ZNF648: variants seen among roughly 807,000 people sequenced by gnomAD.
ZNF648 encodes zinc finger protein 648.
A neutral mutation model predicts 0.3 loss-of-function variants in ZNF648; 1 was observed. That is an observed-to-expected ratio of 3.90 (90% CI 1.39 to 18.51). The LOEUF is 18.51. ZNF648 is among the 30% of genes most tolerant of loss of function. The probability of loss-of-function intolerance (pLI) is 0.11; values close to 1 mark genes in which losing one functional copy is unlikely to be tolerated. For synonymous variants in ZNF648, 376 were observed against 326.8 expected (o/e 1.15, Z -1.62); for missense variants, 874 against 769.7 (o/e 1.14, Z -1.60).
rs758323060 is a variant in ZNF648, at chr1:182,056,430, G to A, written c.1581C>T (p.Asn527=). Residue 527 remains asparagine, a synonymous_variant, in exon 2 of 2, where the codon AAC becomes AAT. Coordinates refer to ENST00000339948, the MANE Select transcript of ZNF648 (RefSeq NM_001009992.1). ...SELAQHIRMH[N]GERPYQCEDC... ...CCTCACACTGGTAGGGCCTCTCTCC[G>A]TTGTGCATTCGTATGTGCTGGGCCA... 9 of 1,613,948 alleles carry A rather than the reference G, an allele frequency of 5.6e-6. No homozygotes were observed. Among genetic ancestry groups the A allele is most frequent in the African/African-American group, 1.3e-5 (1 of 74,932 alleles).
Position 182,056,909 on chromosome 1 carries a change from C to T in ZNF648, c.1102G>A (p.Glu368Lys). Residue 368 changes from glutamate (E) to lysine (K), a missense_variant, in exon 2 of 2, where the codon GAG becomes AAG. Transcript: ENST00000339948. ...GGCTTGTTGAAGGTCAGGCCGCACT[C>T]GGAGCACGGGAAGGGCTTATTGTTG... ...HSNNKPFPCS[E>K]CGLTFNKPLS... 1 of 1,598,304 alleles carries T rather than the reference C, an allele frequency of 6.3e-7. No homozygotes were observed. Among genetic ancestry groups the T allele is most frequent in the East Asian group, 2.3e-5 (1 of 44,218 alleles).
At chr1:182,062,546 T>C (rs963562503), upstream of ZNF648, 3 of 152,210 alleles carry the variant, frequency 2.0e-5, no homozygotes, top group African/African-American at 7.2e-5. Flanking sequence ...TGTGCCTTAG[T>C]GTCTCATCTG....
At position 182,057,484 on chromosome 1, in the gene ZNF648, G is replaced by T. The variant is rs983277263; in HGVS notation, c.527C>A (p.Ala176Glu). ...SFPSNGKYLC[A>E]HKSVDTSAGN... Reference sequence around the variant, plus strand: ...TGCGGACGTGTCTACACTTTTGTGCGCACAGAGATACTTTCCATTGCTGGG... The same window carrying T: ...TGCGGACGTGTCTACACTTTTGTGCTCACAGAGATACTTTCCATTGCTGGG... The change falls in exon 2 of 2, where the codon GCG (alanine) becomes GAG (glutamate). Residue 176 changes from alanine to glutamate, a missense_variant. By Grantham distance (107) the Ala-to-Glu change is moderately radical. Transcript: ENST00000339948. The T allele has an allele frequency of 3.1e-6, 5 of 1,614,076 alleles. No individual in the cohort carries two copies. The South Asian group carries it at 3.3e-5, about 11-fold the overall frequency.
the ZNF648 span, among the ~76,000 whole-genome samples, chr1:182,068,752 A>C: frequency 1.2e-3 from 185 of 151,634 alleles, no homozygotes; most frequent in Middle Eastern, 0.01. Flanking sequence ...GGGAGACCTC[A>C]CCTTCACAAA....
chr1:182,056,992 C>G lies in ZNF648; in HGVS notation c.1019G>C (p.Cys340Ser). The G allele has an allele frequency of 6.2e-7, 1 of 1,613,792 alleles. No individual in the cohort carries two copies. Among genetic ancestry groups the G allele is most frequent in the Non-Finnish European group, 8.5e-7 (1 of 1,179,954 alleles). Residue 340 changes from cysteine (C) to serine (S), a missense_variant, in exon 2 of 2, where the codon TGC (cysteine) becomes TCC (serine). Transcript: ENST00000339948. ...CGAAGAGCGCACGAAGGCCTTCCCG[C>G]AGTCTGGACACGGGTAGGGTTTCTC... ...TGEKPYPCPD[C>S]GKAFVRSSDL...
At chr1:182,058,414 T>C (rs1378097244) in intron 1 of ZNF648, among the ~76,000 whole-genome samples, 2 of 152,108 alleles carry the variant, frequency 1.3e-5, no homozygotes, top group African/African-American at 4.8e-5. Flanking sequence ...GACAACTCGA[T>C]GAGAGGGTAG....
At chr1:182,062,029 C>T (rs1486017304), upstream of ZNF648, among the ~76,000 whole-genome samples, 2 of 152,204 alleles carry the variant, frequency 1.3e-5, no homozygotes, top group African/African-American at 4.8e-5. Flanking sequence ...CTTTTTCCCT[C>T]CTGGAAGGCA....
In ZNF648 at chr1:182,057,950, C is replaced by T. The variant is rs777421675; in HGVS notation, c.61G>A (p.Glu21Lys). ...GEASPLSSLT[E>K]EAHDTQMLSM... ...AGCATCTGGGTGTCATGAGCTTCCT[C>T]AGTCAAGCTGCTGAGAGGAGACGCC... Residue 21 changes from glutamate to lysine, a missense_variant, in exon 2 of 2, where the codon GAG becomes AAG. Coordinates refer to ENST00000339948, the MANE Select transcript of ZNF648 (RefSeq NM_001009992.1). 4 of 1,613,924 alleles carry T rather than the reference C, an allele frequency of 2.5e-6. No individual in the cohort carries two copies. The highest frequency in any genetic ancestry group is 3.4e-6 in the Non-Finnish European group (4 of 1,180,000).
chr1:182,067,976 T>C, the ZNF648 span, among the ~76,000 whole-genome samples: 2 of 152,250 alleles, frequency 1.3e-5, no homozygotes, highest in Non-Finnish European at 2.9e-5. Context: ...ATGAGACTTC[T>C]GGGAATCTTC....
chr1:182,056,063 C>T lies in ZNF648; in HGVS notation c.*241G>A. 1 of 545,704 alleles carries T rather than the reference C, an allele frequency of 1.8e-6. No individual in the cohort carries two copies. Among genetic ancestry groups the T allele is most frequent in the South Asian group, 2.5e-5 (1 of 40,734 alleles). 33.8% of individuals were successfully genotyped at this position (545,704 alleles called of 1,614,324 possible). On this transcript the variant is annotated 3_prime_UTR_variant, in exon 2 of 2. Coordinates refer to ENST00000339948, the MANE Select transcript of ZNF648 (RefSeq NM_001009992.1). The stretch of plus-strand genomic sequence containing the variant: ...CTCAACGTTTGATCAGCTCCCACTA[C>T]TTTGTCTTTCCCTTTTCCAATTGCT...
Position 182,060,128 on chromosome 1 carries a change from CACT to C in ZNF648, c.-64+1437_-64+1439del, listed in dbSNP as rs1666007213. Among the ~76,000 whole-genome samples, 8 of 152,328 alleles carry C rather than the reference CACT, an allele frequency of 5.3e-5. No homozygotes were observed. The South Asian group carries it at 1.7e-3, about 32-fold the overall frequency. ...CCAAGGAACCTTGGCTACAGGGCCT[CACT>C]GCTGGGCTCCTCCCTGCTTTCATTG... On this transcript the variant is annotated intron_variant, in intron 1 of 1. Coordinates refer to ENST00000339948, the MANE Select transcript of ZNF648 (RefSeq NM_001009992.1).
In ZNF648 at chr1:182,057,360, G is replaced by A; in HGVS notation, c.651C>T (p.Ala217=). ...TTGCCAGGACCGCGGCAGCCAGGCT[G>A]GCTGGGGTGGCCGACGCCTGGGCTG... The part of the protein sequence containing the change: ...HTPAQASATP[A]SLAAAVLAKA... Residue 217 remains alanine, a synonymous_variant, in exon 2 of 2, where the codon GCC becomes GCT. Transcript: ENST00000339948. The A allele has an allele frequency of 6.2e-7, 1 of 1,611,778 alleles. No individual in the cohort carries two copies. The highest frequency in any genetic ancestry group is 8.5e-7 in the Non-Finnish European group (1 of 1,179,864).
the ZNF648 span, among the ~76,000 whole-genome samples, chr1:182,069,528 T>A: frequency 6.6e-6 from 1 of 152,202 alleles, no homozygotes; most frequent in Non-Finnish European, 1.5e-5. Context: ...TAGGTGTGGA[T>A]TCTCCTGGCA....
chr1:182,058,954 C>T (rs766982776), intron 1 of ZNF648, among the ~76,000 whole-genome samples: 1 of 152,270 alleles, frequency 6.6e-6, no homozygotes, highest in Middle Eastern at 3.4e-3. Context: ...TCTTGAGTAG[C>T]TGGGATTACA....
chr1:182,059,764 A>G (rs35522237), intron 1 of ZNF648, among the ~76,000 whole-genome samples: 1 of 149,694 alleles, frequency 6.7e-6, no homozygotes, highest in Non-Finnish European at 1.5e-5. Context: ...AGATCGCGCC[A>G]CTGCACTCCA....
Position 182,057,944 on chromosome 1 carries a change from C to T in ZNF648, c.67G>A (p.Ala23Thr), listed in dbSNP as rs1162512906. Reference sequence around the variant, plus strand: ...ATGCTCAGCATCTGGGTGTCATGAGCTTCCTCAGTCAAGCTGCTGAGAGGA... The same window carrying T: ...ATGCTCAGCATCTGGGTGTCATGAGTTTCCTCAGTCAAGCTGCTGAGAGGA... ...ASPLSSLTEE[A>T]HDTQMLSMNL... is the part of the protein sequence containing the mutation. The change falls in exon 2 of 2, where the codon GCT (alanine) becomes ACT (threonine). Residue 23 changes from alanine (A) to threonine (T), a missense_variant. Ala to Thr is a moderately conservative substitution (Grantham distance 58). Coordinates refer to ENST00000339948, the MANE Select transcript of ZNF648 (RefSeq NM_001009992.1). 1.2e-6 allele frequency: 2 copies of T among 1,613,960 alleles called. No individual in the cohort carries two copies. The highest frequency in any genetic ancestry group is 2.7e-5 in the African/African-American group (2 of 74,928).
chr1:182,058,945 CTT>C (rs1665986946), intron 1 of ZNF648, among the ~76,000 whole-genome samples: 1 of 152,300 alleles, frequency 6.6e-6, no homozygotes, highest in African/African-American at 2.4e-5. Context: ...GCCTCAGCCT[CTT>C]GAGTAGCTGG....
chr1:182,057,534 T>C lies in ZNF648; in HGVS notation c.477A>G (p.Ala159=). The change falls in exon 2 of 2, where the codon GCA becomes GCG. Residue 159 remains alanine, a synonymous_variant. Transcript: ENST00000339948. ...GGAAGCTGGGTGGGACATCCAAGAC[T>C]GCGTCCTGGTTTGCCCCCGAGTATC... ...DDGYSGANQD[A]VLDVPPSFPS... The C allele has an allele frequency of 6.2e-7, 1 of 1,614,222 alleles. No individual in the cohort carries two copies. Among genetic ancestry groups the C allele is most frequent in the Non-Finnish European group, 8.5e-7 (1 of 1,180,046 alleles).
In ZNF648 at chr1:182,056,947, C is replaced by T. The variant is rs780634879; in HGVS notation, c.1064G>A (p.Arg355His). 11 of 1,612,936 alleles carry T rather than the reference C, an allele frequency of 6.8e-6. No individual in the cohort carries two copies. Among genetic ancestry groups the T allele is most frequent in the South Asian group, 2.2e-5 (2 of 90,926 alleles). ...VRSSDLRKHQ[R>H]NMHSNNKPFP... ...GGGCTTATTGTTGCTGTGCATGTTG[C>T]GCTGGTGTTTGCGCAGGTCCGAAGA... Residue 355 changes from arginine (R) to histidine (H), a missense_variant, in exon 2 of 2, where the codon CGC (arginine) becomes CAC (histidine). Transcript: ENST00000339948.
Sources: allele counts gnomAD v4.1 joint callset (sites outside exome capture counted in the v4.1 genomes callset), GRCh38; gene constraint gnomAD v4.1.1; transcripts MANE v1.5; gene names NCBI Gene and HGNC (gene_info 2026-07-23, HGNC 2026-07-21).